Variants in HIF1A observed in about 807,000 individuals in gnomAD.
HIF1A encodes hypoxia-inducible factor 1-alpha.
In HIF1A, 24 loss-of-function variants were observed where a neutral mutation model predicts 92.7. The observed-to-expected ratio is 0.26, with a 90% confidence interval of 0.19 to 0.36. HIF1A has a LOEUF of 0.36. Ranked by LOEUF, HIF1A falls within the 10% of genes least tolerant of loss-of-function variation. HIF1A has a pLI of 1.00. For synonymous variants in HIF1A, 319 were observed against 338.7 expected (o/e 0.94, Z 0.64); for missense variants, 799 against 998.5 (o/e 0.80, Z 2.69).
intron 7 of HIF1A, 109 bp downstream of exon 7, chr14:61,732,633 T>C: frequency 1.5e-6 from 1 of 658,858 alleles, no homozygotes; most frequent in Non-Finnish European, 2.7e-6. Context: ...AGACTAAATG[T>C]GTTAACAGGC....
In HIF1A at chr14:61,741,068, C is replaced by T. The variant is rs2044704786; in HGVS notation, c.1973C>T (p.Pro658Leu). The T allele has an allele frequency of 1.2e-6, 2 of 1,613,848 alleles. No individual in the cohort carries two copies. Among genetic ancestry groups the T allele is most frequent in the Non-Finnish European group, 1.7e-6 (2 of 1,179,734 alleles). ...GAAACTACTAGTGCCACATCATCAC[C>T]ATATAGAGATACTCAAAGTCGGACA... The part of the protein sequence containing the change: ...HKETTSATSS[P>L]YRDTQSRTAS... The change falls in exon 12 of 15, where the codon CCA (proline) becomes CTA (leucine). Residue 658 changes from proline to leucine, a missense_variant. Physicochemically the swap from Pro to Leu is moderately conservative, Grantham distance 98. Transcript: ENST00000337138.
intron 7 of HIF1A, among the ~76,000 whole-genome samples, chr14:61,733,241 A>G (rs1021787869): frequency 1.3e-5 from 2 of 152,192 alleles, no homozygotes; most frequent in Admixed American, 6.5e-5. Flanking sequence ...ATGTACCACC[A>G]TGCCTGGCTA....
chr14:61,708,420 G>A (rs931391789), intron 1 of HIF1A, among the ~76,000 whole-genome samples: 5 of 152,100 alleles, frequency 3.3e-5, no homozygotes, highest in South Asian at 2.1e-4. Context: ...TTTATTCTAC[G>A]GTTTTTATGG....
At position 61,711,207 on chromosome 14, in the gene HIF1A, C is replaced by CTTTTTT. The variant is rs10615564; in HGVS notation, c.36-9157_36-9152dup. Among the ~76,000 whole-genome samples the CTTTTTT allele has an allele frequency of 5.3e-3, 453 of 86,116 alleles. 19 individuals carry two copies. Among genetic ancestry groups the CTTTTTT allele is most frequent in the African/African-American group, 0.017 (400 of 23,228 alleles). The allele number at this position is 86,116 out of a possible 152,430, so 56.5% of individuals were successfully genotyped here. A position where few individuals can be genotyped will look rare whatever the true frequency, so the allele number is the denominator to read the frequency against. On this transcript the variant is annotated intron_variant, in intron 1 of 14. Transcript: ENST00000337138. ...AGATGATAAAGATGTTTAAGTATTC[C>CTTTTTT]TTTTTTTTTTTTTTTTTTTTTTTGA...
At chr14:61,708,784 A>T (rs558370469) in intron 1 of HIF1A, among the ~76,000 whole-genome samples, 1 of 152,292 alleles carries the variant, frequency 6.6e-6, no homozygotes, top group African/African-American at 2.4e-5. Flanking sequence ...CTTGGCAAGC[A>T]TTCTGTGTTT....
chr14:61,718,643 T>TA (rs2044389907), intron 1 of HIF1A, among the ~76,000 whole-genome samples: 2 of 152,214 alleles, frequency 1.3e-5, no homozygotes, highest in Non-Finnish European at 2.9e-5. Context: ...ATGAAAAAAT[T>TA]ACAGACTGCT....
intron 10 of HIF1A, among the ~76,000 whole-genome samples, chr14:61,738,778 T>C (rs969856720): frequency 6.6e-6 from 1 of 152,200 alleles, no homozygotes; most frequent in African/African-American, 2.4e-5. Context: ...AGAAAGAGTC[T>C]CACTATCACC....
At chr14:61,741,895 A>T (rs1024354637) in intron 12 of HIF1A, among the ~76,000 whole-genome samples, 40 of 152,096 alleles carry the variant, frequency 2.6e-4, no homozygotes, top group Admixed American at 2.1e-3. Context: ...AGCCCTTCCA[A>T]TTTAAGGGTT....
At chr14:61,708,934 G>C (rs2044276377) in intron 1 of HIF1A, among the ~76,000 whole-genome samples, 2 of 151,804 alleles carry the variant, frequency 1.3e-5, no homozygotes, top group African/African-American at 4.8e-5. Context: ...TTTTGCTCTT[G>C]TTGCCCAGGC....
intron 12 of HIF1A, among the ~76,000 whole-genome samples, chr14:61,742,958 T>G (rs2140159185): frequency 6.7e-6 from 1 of 148,670 alleles, no homozygotes; most frequent in African/African-American, 2.5e-5. Flanking sequence ...GACAATCACT[T>G]ATAAGTTACA....
intron 12 of HIF1A, among the ~76,000 whole-genome samples, chr14:61,744,490 C>T (rs1241749468): frequency 7.3e-6 from 1 of 137,668 alleles, no homozygotes; most frequent in East Asian, 2.1e-4. Context: ...TCCAGCCTGG[C>T]TGACAGAGTA....
At position 61,703,984 on chromosome 14, in the gene HIF1A, C is replaced by T. The variant is rs2044207135; in HGVS notation, c.35+8145C>T. 5.3e-5 allele frequency among the ~76,000 whole-genome samples: 8 copies of T among 151,538 alleles called. No homozygotes were observed. The South Asian group carries it at 1.5e-3, about 27-fold the overall frequency. On this transcript the variant is annotated intron_variant, in intron 1 of 14. Coordinates refer to ENST00000337138, the MANE Select transcript of HIF1A (RefSeq NM_001530.4). Reference sequence around the variant, plus strand: ...CTCAAGAAAAAGATGATCCTTTTCTCTACTAAATATGTGTTAAGATCACAC... The same window carrying T: ...CTCAAGAAAAAGATGATCCTTTTCTTTACTAAATATGTGTTAAGATCACAC...
intron 1 of HIF1A, among the ~76,000 whole-genome samples, chr14:61,705,154 T>C (rs927928090): frequency 6.6e-6 from 1 of 152,108 alleles, no homozygotes; most frequent in African/African-American, 2.4e-5. Flanking sequence ...CTCTGAATTT[T>C]TGAGATGTAC....
Position 61,732,502 on chromosome 14 carries a change from T to C in HIF1A, c.858T>C (p.His286=). 1 of 1,605,072 alleles carries C rather than the reference T, an allele frequency of 6.2e-7. No homozygotes were observed. Among genetic ancestry groups the C allele is most frequent in the African/African-American group, 1.3e-5 (1 of 74,872 alleles). The change falls in exon 7 of 15, where the codon CAT becomes CAC. Residue 286 remains histidine (H), a synonymous_variant. Transcript: ENST00000337138. The stretch of plus-strand genomic sequence containing the variant: ...ATTATCATGCTTTGGACTCTGATCA[T>C]CTGACCAAAACTCATCATGATAGTA... The part of the protein sequence containing the change: ...YEYYHALDSD[H]LTKTHHDMFT...
rs941381847 is a variant in HIF1A, at chr14:61,695,516, G to A, written c.-289G>A. The A allele has an allele frequency of 6.9e-6, 3 of 436,558 alleles. No homozygotes were observed. The highest frequency in any genetic ancestry group is 1.2e-5 in the Non-Finnish European group (3 of 244,762). 27.0% of individuals were successfully genotyped at this position (436,558 alleles called of 1,614,324 possible). A position where few individuals can be genotyped will look rare whatever the true frequency, so the allele number is the denominator to read the frequency against. ...CCTGACGCTGCCTCAGCTCCTCAGT[G>A]CACAGTGCTGCCTCGTCTGAGGGGA... On this transcript the variant is annotated 5_prime_UTR_variant, in exon 1 of 15. Transcript: ENST00000337138.
intron 1 of HIF1A, among the ~76,000 whole-genome samples, chr14:61,696,917 A>G (rs1055905793): frequency 4.6e-5 from 7 of 152,212 alleles, no homozygotes; most frequent in African/African-American, 1.7e-4. Context: ...GGTACATTAG[A>G]GATTAAGAAT....
chr14:61,742,907 A>AAAAAAAAAAAAAAAG, intron 12 of HIF1A, among the ~76,000 whole-genome samples: 1 of 105,918 alleles, frequency 9.4e-6, no homozygotes, highest in Non-Finnish European at 1.8e-5. Flanking sequence ...AAAAAAAAAA[A>AAAAAAAAAAAAAAAG]GTTGTTGGAC....
chr14:61,746,583 T>C (rs2044794091), intron 14 of HIF1A, among the ~76,000 whole-genome samples: 1 of 151,978 alleles, frequency 6.6e-6, no homozygotes, highest in Non-Finnish European at 1.5e-5. Context: ...TTTGTAGAGA[T>C]GGGGTCTCAC....
chr14:61,698,647 A>G (rs755994748), intron 1 of HIF1A, among the ~76,000 whole-genome samples: 30 of 152,210 alleles, frequency 2.0e-4, no homozygotes, highest in Non-Finnish European at 4.0e-4. Flanking sequence ...CTATCTCCTG[A>G]AAGTGAAAAG....
Sources: gnomAD v4.1 joint callset for allele counts (sites outside exome capture counted in the v4.1 genomes callset) on GRCh38, gnomAD v4.1.1 for gene constraint, MANE v1.5 for transcripts, NCBI Gene and HGNC (gene_info 2026-07-23, HGNC 2026-07-21) for gene names.